Variants in DDX21 observed in about 807,000 individuals in gnomAD.
DDX21 encodes the protein DExD-box helicase 21.
DDX21 carries 18 observed loss-of-function variants against 90.0 expected under a neutral mutation model. That is an observed-to-expected ratio of 0.20 (90% CI 0.14 to 0.30). The LOEUF is 0.30. Among genes scored for constraint, DDX21 ranks in the 10% least tolerant of loss-of-function variants. The probability of loss-of-function intolerance (pLI) is 1.00; values close to 1 mark genes in which losing one functional copy is unlikely to be tolerated. For synonymous variants in DDX21, 294 were observed against 318.0 expected (o/e 0.92, Z 0.80); for missense variants, 673 against 944.5 (o/e 0.71, Z 3.77).
intron 13 of DDX21, among the ~76,000 whole-genome samples, 197 bp downstream of exon 13, chr10:68,979,173 T>C (rs1245799423): frequency 6.6e-6 from 1 of 152,192 alleles, no homozygotes; most frequent in Non-Finnish European, 1.5e-5. Context: ...CCTGAACCGT[T>C]CTCACAATGC....
chr10:68,972,127 T>C (rs974614495), intron 9 of DDX21, 75 bp downstream of exon 9: 22 of 1,505,140 alleles, frequency 1.5e-5, no homozygotes, highest in Non-Finnish European at 1.7e-5. Flanking sequence ...ATTGTATTAT[T>C]TACTTTCATG....
intron 11 of DDX21, among the ~76,000 whole-genome samples, chr10:68,976,017 C>T (rs1459319487): frequency 6.6e-6 from 1 of 150,688 alleles, no homozygotes; most frequent in African/African-American, 2.4e-5. Flanking sequence ...CCATTGCACC[C>T]CAGCTAGGAC....
intron 9 of DDX21, among the ~76,000 whole-genome samples, chr10:68,973,020 C>A (rs991042786): frequency 1.3e-5 from 2 of 151,964 alleles, no homozygotes; most frequent in Non-Finnish European, 2.9e-5. Context: ...CTCTGTGAAA[C>A]CCTGTCTATA....
chr10:68,970,406 G>T, intron 8 of DDX21, 56 bp downstream of exon 8: 2 of 1,531,584 alleles, frequency 1.3e-6, no homozygotes, highest in South Asian at 1.2e-5. Flanking sequence ...TCTTCACCTT[G>T]GGCATATCTG....
At chr10:68,972,091 T>TG (rs1429130975) in intron 9 of DDX21, 39 bp downstream of exon 9, 1 of 1,580,424 alleles carries the variant, frequency 6.3e-7, no homozygotes, top group African/African-American at 1.4e-5. Context: ...TGTTTTGTTT[T>TG]TTTTGGGTAT....
Position 68,963,234 on chromosome 10 carries a change from G to A in DDX21, c.608-57G>A, listed in dbSNP as rs1842895933. On this transcript the variant is annotated intron_variant, in intron 3 of 14. Transcript: ENST00000354185. The stretch of plus-strand genomic sequence containing the variant: ...ATGAGTAGTATACTTCAGTATGTCA[G>A]TATGGCTAATGTTTTAAGAATTGCA... 48 of 1,520,736 alleles carry A rather than the reference G, an allele frequency of 3.2e-5. No homozygotes were observed. The South Asian group carries it at 3.3e-4, about 10-fold the overall frequency. The allele number at this position is 1,520,736 out of a possible 1,614,324, so 94.2% of individuals were successfully genotyped here. A position where few individuals can be genotyped will look rare whatever the true frequency, so the allele number is the denominator to read the frequency against.
rs1427416493 is a variant in DDX21, at chr10:68,982,732, C to A, written c.2272C>A (p.Arg758=). The A allele has an allele frequency of 1.2e-6, 2 of 1,613,696 alleles. No individual in the cohort carries two copies. The highest frequency in any genetic ancestry group is 1.3e-5 in the African/African-American group (1 of 74,760). Residue 758 remains arginine, a synonymous_variant, in exon 15 of 15, where the codon CGA becomes AGA. Transcript: ENST00000354185. ...AGGCAGTAGAGGCCCGAGAGGACAG[C>A]GATCAGGAGGTGGCAACAAAAGTAA... The part of the protein sequence containing the change: ...REGSRGPRGQ[R]SGGGNKSNRS...
intron 6 of DDX21, among the ~76,000 whole-genome samples, chr10:68,968,262 T>A (rs1303463411): frequency 6.6e-6 from 1 of 150,650 alleles, no homozygotes; most frequent in African/African-American, 2.4e-5. Flanking sequence ...CCTAAACTCC[T>A]GGGCCTCAGC....
chr10:68,972,396 A>G (rs948357054), intron 9 of DDX21, among the ~76,000 whole-genome samples: 2 of 152,196 alleles, frequency 1.3e-5, no homozygotes, highest in African/African-American at 4.8e-5. Context: ...AAGGGCCTGT[A>G]ATTAACCTCT....
At position 68,980,832 on chromosome 10, in the gene DDX21, C is replaced by CAAAAAA. The variant is rs11340675; in HGVS notation, c.2038-690_2038-685dup. ...TAATGTAGTGAGACCCTGTCTCTAC[C>CAAAAAA]AAAAAAAAAAAAAAAAAAAAGCCAG... On this transcript the variant is annotated intron_variant, in intron 13 of 14. Coordinates refer to ENST00000354185, the MANE Select transcript of DDX21 (RefSeq NM_004728.4). Among the ~76,000 whole-genome samples, 3 of 99,620 alleles carry CAAAAAA rather than the reference C, an allele frequency of 3.0e-5. 1 individual carries two copies. The highest frequency in any genetic ancestry group is 6.3e-5 in the Non-Finnish European group (3 of 47,704). 65.4% of individuals were successfully genotyped at this position (99,620 alleles called of 152,430 possible). A position where few individuals can be genotyped will look rare whatever the true frequency, so the allele number is the denominator to read the frequency against.
intron 11 of DDX21, among the ~76,000 whole-genome samples, chr10:68,975,826 AT>A (rs1843090203): frequency 6.6e-6 from 1 of 152,098 alleles, no homozygotes; most frequent in Non-Finnish European, 1.5e-5. Flanking sequence ...AGGCGGGTGG[AT>A]TACCTGAGGT....
At chr10:68,977,404 C>T (rs1843116768) in intron 11 of DDX21, 125 bp from the exon 12 acceptor site, 1 of 839,468 alleles carries the variant, frequency 1.2e-6, no homozygotes, top group South Asian at 2.3e-5. Flanking sequence ...TTATATACTG[C>T]ATCAAAAATA....
chr10:68,982,061 C>T (rs921541077), intron 14 of DDX21, among the ~76,000 whole-genome samples: 4 of 151,988 alleles, frequency 2.6e-5, no homozygotes, highest in African/African-American at 4.8e-5. Flanking sequence ...TTAGTAGAGA[C>T]GGGGGTTTCG....
chr10:68,969,559 T>A (rs1842992369), intron 7 of DDX21, among the ~76,000 whole-genome samples: 1 of 152,214 alleles, frequency 6.6e-6, no homozygotes. Flanking sequence ...ATTACAGGTG[T>A]GAGCCACCAC....
At chr10:68,957,131 CTT>C (rs1402186795) in intron 1 of DDX21, among the ~76,000 whole-genome samples, 1 of 152,006 alleles carries the variant, frequency 6.6e-6, no homozygotes, top group African/African-American at 2.4e-5. Flanking sequence ...TCTTTAGTGA[CTT>C]TTTAAACTCT....
intron 1 of DDX21, among the ~76,000 whole-genome samples, chr10:68,958,684 T>G (rs1282777552): frequency 6.6e-6 from 1 of 151,968 alleles, no homozygotes; most frequent in African/African-American, 2.4e-5. Context: ...TGATTCGCCC[T>G]CCTTGGCCTC....
At chr10:68,962,589 C>G (rs571815648) in intron 3 of DDX21, among the ~76,000 whole-genome samples, 6 of 152,090 alleles carry the variant, frequency 3.9e-5, no homozygotes, top group Admixed American at 6.6e-5. Flanking sequence ...GCACGCCAGC[C>G]TGGGTGACAG....
intron 4 of DDX21, among the ~76,000 whole-genome samples, chr10:68,963,915 A>G (rs533482928): frequency 1.2e-4 from 18 of 152,124 alleles, no homozygotes; most frequent in African/African-American, 4.3e-4. Context: ...CCTGGCTAAC[A>G]ACATGAAAGC....
intron 11 of DDX21, among the ~76,000 whole-genome samples, chr10:68,976,523 A>G (rs538762262): frequency 5.6e-4 from 85 of 152,254 alleles, no homozygotes; most frequent in East Asian, 2.5e-3. Flanking sequence ...TCCTGACCTC[A>G]TGATCCGCCC....
Sources: gnomAD v4.1 joint callset for allele counts (sites outside exome capture counted in the v4.1 genomes callset) on GRCh38, gnomAD v4.1.1 for gene constraint, MANE v1.5 for transcripts, NCBI Gene and HGNC (gene_info 2026-07-23, HGNC 2026-07-21) for gene names.